The following DNAH5 variants were observed in gnomAD, a reference collection of about 807,000 sequenced individuals.
DNAH5 encodes axonemal beta dynein heavy chain 5.
In DNAH5, 372 loss-of-function variants were observed where a neutral mutation model predicts 518.2. The observed-to-expected ratio is 0.72, with a 90% CI of 0.66 to 0.78. DNAH5 has a LOEUF of 0.78. DNAH5 is among the 30% of genes least tolerant of loss of function. DNAH5 has a pLI of 0.00. For missense variants in DNAH5, 5,523 were observed against 5,687.0 expected, an observed-to-expected ratio of 0.97 and a Z score of 0.93; for synonymous variants, 2,039 against 2,025.9, an observed-to-expected ratio of 1.01 and a Z score of -0.17.
chr5:13,743,209 GAGAT>G (rs1443109190), intron 65 of DNAH5, among the ~76,000 whole-genome samples: 1 of 152,006 alleles, frequency 6.6e-6, no homozygotes, highest in African/African-American at 2.4e-5. Flanking sequence ...GGTAGATAGA[GAGAT>G]AGATGATAGA....
chr5:13,813,678 T>C lies in DNAH5; in HGVS notation c.7230+927A>G, dbSNP rs1042211788. On this transcript the variant is annotated intron_variant, in intron 43 of 78. Coordinates refer to ENST00000265104, the MANE Select transcript of DNAH5 (RefSeq NM_001369.3). ...ATTTTTAGTGACACATTCAACTCTA[T>C]GTCAACATCATTTTGCTATATGATT... Among the ~76,000 whole-genome samples, 5 of 152,310 alleles carry C rather than the reference T, an allele frequency of 3.3e-5. No individual in the cohort carries two copies. The East Asian group carries it at 7.7e-4, about 23-fold the overall frequency.
intron 25 of DNAH5, among the ~76,000 whole-genome samples, chr5:13,867,353 A>G (rs1445811): frequency 0.39 from 59,879 of 151,908 alleles, 12,183 homozygotes; most frequent in South Asian, 0.46. Flanking sequence ...CTGTTCTCTC[A>G]GTAGTGAGTT....
At chr5:13,814,918 T>G in intron 42 of DNAH5, 72 bp from the exon 43 acceptor site, 2 of 1,393,032 alleles carry the variant, frequency 1.4e-6, no homozygotes, top group Non-Finnish European at 2.0e-6. Flanking sequence ...AAGTTTAAAA[T>G]AGCTTGAAGA....
At chr5:13,839,114 C>G (rs1234101135) in intron 35 of DNAH5, among the ~76,000 whole-genome samples, 1 of 152,206 alleles carries the variant, frequency 6.6e-6, no homozygotes, top group Non-Finnish European at 1.5e-5. Flanking sequence ...CATTCTCTGT[C>G]CACACAGTGT....
intron 75 of DNAH5, among the ~76,000 whole-genome samples, chr5:13,711,376 T>TA (rs1743453489): frequency 1.3e-5 from 2 of 152,132 alleles, no homozygotes; most frequent in Non-Finnish European, 2.9e-5. Flanking sequence ...CTCAATGTAA[T>TA]AAAAGCCATC....
intron 1 of DNAH5, among the ~76,000 whole-genome samples, chr5:13,939,085 A>T (rs962167793): frequency 1.3e-5 from 2 of 152,150 alleles, no homozygotes; most frequent in Non-Finnish European, 2.9e-5. Context: ...ATAACAAGAG[A>T]ATCTCATCAT....
At chr5:13,767,719 C>T (rs1246695810) in intron 58 of DNAH5, among the ~76,000 whole-genome samples, 1 of 152,160 alleles carries the variant, frequency 6.6e-6, no homozygotes, top group Non-Finnish European at 1.5e-5. Context: ...GAGAGGGGAA[C>T]AAAAACTCAA....
intron 75 of DNAH5, among the ~76,000 whole-genome samples, chr5:13,713,411 C>T (rs149766645): frequency 0.1 from 3,946 of 38,264 alleles, 276 homozygotes; most frequent in African/African-American, 0.29. Context: ...ATATATACAC[C>T]GACATATATA....
In DNAH5 at chr5:13,978,461, A is replaced by T. The variant is rs116954435; in HGVS notation, c.12+33187T>A. Among the ~76,000 whole-genome samples the T allele has an allele frequency of 4.6e-4, 70 of 152,326 alleles. No individual in the cohort carries two copies. The East Asian group carries it at 0.012, about 26-fold the overall frequency. ...ACTGTCTTTGGACTCAGGCTGCAAC[A>T]TCTGCTCTCCGTAGTCTCCAGGCTC... is the stretch of plus-strand genomic sequence containing the variant. On this transcript the variant is annotated intron_variant, in intron 1 of 78. Transcript: ENST00000681290.
intron 47 of DNAH5, among the ~76,000 whole-genome samples, chr5:13,799,733 A>G (rs1758442994): frequency 6.6e-6 from 1 of 152,178 alleles, no homozygotes; most frequent in Non-Finnish European, 1.5e-5. Context: ...TGTTTTGTAT[A>G]TTGAATGTTT....
intron 30 of DNAH5, among the ~76,000 whole-genome samples, chr5:13,854,164 C>G (rs948603011): frequency 5.9e-5 from 9 of 152,204 alleles, no homozygotes; most frequent in Non-Finnish European, 1.0e-4. Flanking sequence ...ATTAGACTAA[C>G]AGTGGATCTC....
intron 78 of DNAH5, among the ~76,000 whole-genome samples, chr5:13,697,434 T>C (rs1395800112): frequency 6.6e-6 from 1 of 152,192 alleles, no homozygotes; most frequent in African/African-American, 2.4e-5. Context: ...TCACAGGCTC[T>C]TCTTCCTTCA....
chr5:13,709,467 TA>T (rs1400259981), intron 75 of DNAH5, among the ~76,000 whole-genome samples: 2 of 152,172 alleles, frequency 1.3e-5, no homozygotes, highest in Non-Finnish European at 1.5e-5. Flanking sequence ...ATTGAAGATT[TA>T]AAAAAATACT....
chr5:13,898,939 T>C (rs997768343), intron 15 of DNAH5: 10 of 227,932 alleles, frequency 4.4e-5, no homozygotes, highest in Non-Finnish European at 8.4e-5. Context: ...GTTTTTTGTT[T>C]GTTTGTTTTT....
intron 47 of DNAH5, among the ~76,000 whole-genome samples, chr5:13,805,125 C>T (rs1324703087): frequency 6.6e-6 from 1 of 152,074 alleles, no homozygotes; most frequent in Non-Finnish European, 1.5e-5. Flanking sequence ...CATCACCAGC[C>T]ATGTGATGAG....
rs555411283 is a variant in DNAH5 at position 13,721,975 on chromosome 5, T to TTTTG, written c.12034-731_12034-730insCAAA. Among the ~76,000 whole-genome samples the TTTTG allele has an allele frequency of 2.2e-3, 331 of 152,350 alleles. 1 individual carries two copies. Among genetic ancestry groups the TTTTG allele is most frequent in the African/African-American group, 6.8e-3 (283 of 41,584 alleles). ...TCCTTAGTCTATATTCTCCACCTTC[T>TTTTG]AAATAATTAAATTCCCTCAAAAACA... On this transcript the variant is annotated intron_variant, in intron 70 of 78. Coordinates refer to ENST00000265104, the MANE Select transcript of DNAH5 (RefSeq NM_001369.3).
intron 65 of DNAH5, among the ~76,000 whole-genome samples, chr5:13,748,126 T>C (rs926091061): frequency 1.3e-5 from 2 of 152,238 alleles, no homozygotes; most frequent in African/African-American, 4.8e-5. Flanking sequence ...CACCATTTGT[T>C]AAATAGGGAA....
chr5:13,711,959 A>G (rs57502461), intron 75 of DNAH5, among the ~76,000 whole-genome samples: 107 of 152,298 alleles, frequency 7.0e-4, no homozygotes, highest in African/African-American at 2.5e-3. Context: ...TACAAATTCA[A>G]TGCAATCCCT....
At chr5:13,996,042 G>A (rs1783915926) in intron 1 of DNAH5, among the ~76,000 whole-genome samples, 1 of 152,208 alleles carries the variant, frequency 6.6e-6, no homozygotes, top group African/African-American at 2.4e-5. Flanking sequence ...TGCATTATCA[G>A]AAATAGCCTT....
Sources: allele counts gnomAD v4.1 joint callset (sites outside exome capture counted in the v4.1 genomes callset), GRCh38; gene constraint gnomAD v4.1.1; transcripts MANE v1.5; gene names NCBI Gene and HGNC (gene_info 2026-07-23, HGNC 2026-07-21).